Variants in ZNF532 observed in about 807,000 individuals in gnomAD.
ZNF532 encodes the protein zinc finger protein 532.
In ZNF532, 22 loss-of-function variants were observed where a neutral mutation model predicts 89.3. That is an observed-to-expected ratio of 0.25 (90% CI 0.18 to 0.35). ZNF532 has a LOEUF of 0.35. Among genes scored for constraint, ZNF532 ranks in the 10% least tolerant of loss-of-function variants. The pLI is 1.00. For synonymous variants in ZNF532, 606 were observed against 649.6 expected (o/e 0.93, Z 1.02); for missense variants, 1,132 against 1,643.4 (o/e 0.69, Z 5.38).
At chr18:58,924,011 C>A (rs567908418) in intron 3 of ZNF532, among the ~76,000 whole-genome samples, 7 of 152,160 alleles carry the variant, frequency 4.6e-5, no homozygotes, top group African/African-American at 1.7e-4. Context: ...CACACATCAC[C>A]GCATCCAGCT....
intron 5 of ZNF532, among the ~76,000 whole-genome samples, chr18:58,946,311 G>C (rs79057280): frequency 1.6e-4 from 9 of 54,804 alleles, no homozygotes; most frequent in African/African-American, 2.0e-4. Context: ...TTTTTTTTTT[G>C]AGACACAGTC....
chr18:58,943,096 T>A (rs546452857), intron 5 of ZNF532, among the ~76,000 whole-genome samples: 1 of 152,176 alleles, frequency 6.6e-6, no homozygotes, highest in Admixed American at 6.5e-5. Context: ...AAAAGGAAAC[T>A]CTGAGTACCC....
chr18:58,946,758 C>T (rs768531261), intron 5 of ZNF532, among the ~76,000 whole-genome samples: 1 of 152,068 alleles, frequency 6.6e-6, no homozygotes, highest in Non-Finnish European at 1.5e-5. Flanking sequence ...TTCTCAACAC[C>T]CCCTCCCCCA....
At chr18:58,933,246 A>G (rs2062105529) in intron 3 of ZNF532, among the ~76,000 whole-genome samples, 2 of 152,160 alleles carry the variant, frequency 1.3e-5, no homozygotes, top group African/African-American at 4.8e-5. Context: ...TGTGATTATA[A>G]TAAACATTTT....
intron 2 of ZNF532, among the ~76,000 whole-genome samples, chr18:58,889,682 A>G (rs1400038441): frequency 2.0e-5 from 3 of 152,120 alleles, no homozygotes; most frequent in Non-Finnish European, 2.9e-5. Flanking sequence ...CTGAGGCAGA[A>G]GACTCTCTTG....
intron 7 of ZNF532, among the ~76,000 whole-genome samples, chr18:58,963,602 A>AGTGTGT (rs1568433987): frequency 8.0e-6 from 1 of 125,004 alleles, no homozygotes; most frequent in Non-Finnish European, 1.6e-5. Flanking sequence ...AAAAGAAAAA[A>AGTGTGT]ATGTGTGTGT....
chr18:58,959,513 A>G (rs1390548871), intron 7 of ZNF532, among the ~76,000 whole-genome samples: 1 of 151,908 alleles, frequency 6.6e-6, no homozygotes, highest in Non-Finnish European at 1.5e-5. Flanking sequence ...CGGCCTCCCA[A>G]AGTGCTGGGA....
intron 2 of ZNF532, among the ~76,000 whole-genome samples, chr18:58,910,066 G>A (rs2060186883): frequency 6.9e-6 from 1 of 144,178 alleles, no homozygotes; most frequent in Non-Finnish European, 1.5e-5. Context: ...GCAAGACCCT[G>A]TCTCTACAAA....
At chr18:58,950,274 A>C (rs2064036329) in intron 6 of ZNF532, among the ~76,000 whole-genome samples, 1 of 152,218 alleles carries the variant, frequency 6.6e-6, no homozygotes. Flanking sequence ...CAAGAAATAG[A>C]AACTGAAGAG....
chr18:58,892,963 A>G (rs147303743), intron 2 of ZNF532, among the ~76,000 whole-genome samples: 329 of 151,706 alleles, frequency 2.2e-3, no homozygotes, highest in African/African-American at 7.5e-3. Flanking sequence ...TCAACTCAGC[A>G]ATTTCTGATT....
intron 2 of ZNF532, among the ~76,000 whole-genome samples, chr18:58,886,856 GT>G (rs905017733): frequency 1.3e-5 from 2 of 152,134 alleles, no homozygotes; most frequent in South Asian, 2.1e-4. Flanking sequence ...GGAAGAGTAG[GT>G]TTTTTTCTAT....
At chr18:58,893,670 AAG>A (rs1422191413) in intron 2 of ZNF532, among the ~76,000 whole-genome samples, 1 of 151,638 alleles carries the variant, frequency 6.6e-6, no homozygotes, top group African/African-American at 2.4e-5. Context: ...AAAAAAAAAA[AAG>A]AAAGAAATGA....
At position 58,967,898 on chromosome 18, in the gene ZNF532, CAT is replaced by C. The variant is rs2066091935; in HGVS notation, c.3151-11156_3151-11155del. ...AGTGGTTCAGTGCAGGCTCATTAAA[CAT>C]GTGTTAGAAAAAATCATTTACAGCA... On this transcript the variant is annotated intron_variant, in intron 7 of 9. Transcript: ENST00000591808. Among the ~76,000 whole-genome samples the C allele has an allele frequency of 3.9e-5, 6 of 152,298 alleles. No individual in the cohort carries two copies. In the South Asian group the frequency reaches 6.2e-4, roughly 16 times the overall value.
intron 2 of ZNF532, among the ~76,000 whole-genome samples, chr18:58,909,124 T>C (rs556689829): frequency 2.0e-5 from 3 of 152,296 alleles, no homozygotes; most frequent in Admixed American, 2.0e-4. Flanking sequence ...TGGCTAATTT[T>C]GTATTTTTAG....
chr18:58,965,100 A>AGT (rs2065791960), intron 7 of ZNF532, among the ~76,000 whole-genome samples: 1 of 151,784 alleles, frequency 6.6e-6, no homozygotes, highest in Non-Finnish European at 1.5e-5. Context: ...AGTTTTCTGA[A>AGT]GTCCTCCACT....
intron 2 of ZNF532, among the ~76,000 whole-genome samples, chr18:58,901,666 AC>A (rs2059608706): frequency 6.6e-6 from 1 of 152,188 alleles, no homozygotes; most frequent in Admixed American, 6.5e-5. Flanking sequence ...AGACAACAGT[AC>A]CTATTACAAG....
In ZNF532 at chr18:58,880,763, C is replaced by CGTGTGTGTGT. The variant is rs1555704697; in HGVS notation, c.-18+15185_-18+15186insTGTGTGTGTG. Among the ~76,000 whole-genome samples the CGTGTGTGTGT allele has an allele frequency of 4.2e-5, 5 of 119,690 alleles. 1 individual carries two copies. Among genetic ancestry groups the CGTGTGTGTGT allele is most frequent in the East Asian group, 1.2e-3 (2 of 1,636 alleles). 78.5% of individuals were successfully genotyped at this position (119,690 alleles called of 152,430 possible). On this transcript the variant is annotated intron_variant, in intron 2 of 9. Coordinates refer to ENST00000591808, the MANE Select transcript of ZNF532 (RefSeq NM_001375912.1). ...GAGCCCTCTCATAGGCGCGCGCGCA[C>CGTGTGTGTGT]GCGCGCGCGTCTGTGTGTGTGTGTG...
At chr18:58,884,392 T>A (rs1377857150) in intron 2 of ZNF532, among the ~76,000 whole-genome samples, 1 of 152,202 alleles carries the variant, frequency 6.6e-6, no homozygotes, top group Non-Finnish European at 1.5e-5. Context: ...AAATTTTTTT[T>A]AATTGACAAA....
At chr18:58,932,174 G>C (rs1030280861) in intron 3 of ZNF532, among the ~76,000 whole-genome samples, 2 of 152,140 alleles carry the variant, frequency 1.3e-5, no homozygotes, top group Non-Finnish European at 2.9e-5. Context: ...TAGTCCCTAT[G>C]CCTCCCTCTT....
Sources: gnomAD v4.1 joint callset for allele counts (sites outside exome capture counted in the v4.1 genomes callset) on GRCh38, gnomAD v4.1.1 for gene constraint, MANE v1.5 for transcripts, NCBI Gene and HGNC (gene_info 2026-07-23, HGNC 2026-07-21) for gene names.